The following CHPF variants were observed in gnomAD, a reference collection of about 807,000 sequenced individuals.
The protein encoded by CHPF is chondroitin polymerizing factor, non-catalytic subunit.
CHPF carries 34 observed loss-of-function variants against 55.1 expected under a neutral mutation model. The ratio of observed to expected loss-of-function variants is 0.62; its 90% CI spans 0.47 to 0.82. The LOEUF (loss-of-function observed/expected upper bound fraction) is 0.82. Among genes scored for constraint, CHPF ranks in the 40% least tolerant of loss-of-function variants. The pLI is 0.00. For missense variants in CHPF, 961 were observed against 1,106.1 expected (o/e 0.87, Z 1.86); for synonymous variants, 489 against 496.6 (o/e 0.98, Z 0.20).
chr2:219,543,394 CAG>C lies in CHPF; in HGVS notation c.143_144del (p.Ser48Ter). ...TTGGTGTTGCCGCGCGGCGGCAGCT[CAG>C]AGTCTCCAGGTTGGGGCGGGCCTGG... Reference protein sequence around the residue: ...CGPGPPQPGDSELPPRGNTNA... With the variant: ...CGPGPPQPGDXELPPRGNTNA... On this transcript the variant is annotated frameshift_variant, in exon 1 of 4. Coordinates refer to ENST00000243776, the MANE Select transcript of CHPF (RefSeq NM_024536.6). LOFTEE classifies it high-confidence loss of function. 2.6e-6 allele frequency: 4 copies of C among 1,560,042 alleles called. No individual in the cohort carries two copies. Among genetic ancestry groups the C allele is most frequent in the Non-Finnish European group, 2.6e-6 (3 of 1,163,080 alleles).
intron 3 of CHPF, 63 bp from the exon 4 acceptor site, chr2:219,540,705 G>T (rs914773037): frequency 5.4e-6 from 8 of 1,479,356 alleles, no homozygotes; most frequent in Admixed American, 2.1e-5. Flanking sequence ...ACAGCTGGGG[G>T]ACTGGGTAGG....
chr2:219,542,076 T>C lies in CHPF; in HGVS notation c.428A>G (p.His143Arg). ...LGVAVNRTLG[H>R]RLERVVFLTG... ...CAGGAACACCACACGCTCCAGCCGG[T>C]GCCCCAGCGTGCGGTTCACGGCCAC... The change falls in exon 2 of 4, where the codon CAC (histidine) becomes CGC (arginine). Residue 143 changes from histidine (H) to arginine (R), a missense_variant. Around this residue, in one of 3 missense-constraint regions of CHPF, gnomAD observed 936 missense variants for 1,058.4 expected, o/e 0.88. Transcript: ENST00000243776. 6.4e-7 allele frequency: 1 copy of C among 1,572,104 alleles called. No individual in the cohort carries two copies. Among genetic ancestry groups the C allele is most frequent in the Non-Finnish European group, 8.6e-7 (1 of 1,164,590 alleles).
At chr2:219,542,921 TAA>T in intron 1 of CHPF, 15 of 1,214,396 alleles carry the variant, frequency 1.2e-5, no homozygotes, top group Non-Finnish European at 1.5e-5. Flanking sequence ...ACCCTATATA[TAA>T]GTCATTTCTC....
intron 1 of CHPF, among the ~76,000 whole-genome samples, chr2:219,542,715 G>A (rs1020980726): frequency 4.6e-5 from 7 of 152,142 alleles, no homozygotes; most frequent in African/African-American, 1.7e-4. Context: ...TAAGGCAGAA[G>A]GTAAATTGCA....
chr2:219,542,920 A>C, intron 1 of CHPF: 1 of 1,207,984 alleles, frequency 8.3e-7, no homozygotes, highest in Non-Finnish European at 1.0e-6. Context: ...CACCCTATAT[A>C]TAAGTCATTT....
At position 219,540,438 on chromosome 2, in the gene CHPF, C is replaced by T. The variant is rs1488211389; in HGVS notation, c.1273G>A (p.Val425Ile). 7 of 1,613,588 alleles carry T rather than the reference C, an allele frequency of 4.3e-6. No individual in the cohort carries two copies. In the African/African-American group the frequency reaches 5.3e-5, roughly 12 times the overall value. The change falls in exon 4 of 4, where the codon GTT (valine) becomes ATT (isoleucine). Residue 425 changes from valine (V) to isoleucine (I), a missense_variant. Val to Ile is a conservative substitution (Grantham distance 29). Coordinates refer to ENST00000243776, the MANE Select transcript of CHPF (RefSeq NM_024536.6). ...RGADRADVAD[V>I]LGTALEELNR... ...AGCTCCTCTAGAGCTGTCCCCAGAA[C>T]ATCGGCCACATCAGCCCGGTCAGCC...
rs768978070 is a variant in CHPF at position 219,540,167 on chromosome 2, G to C, written c.1544C>G (p.Ala515Gly). The C allele has an allele frequency of 1.2e-6, 2 of 1,607,092 alleles. No individual in the cohort carries two copies. Among genetic ancestry groups the C allele is most frequent in the African/African-American group, 2.7e-5 (2 of 74,776 alleles). Residue 515 changes from alanine to glycine, a missense_variant, in exon 4 of 4, where the codon GCT (alanine) becomes GGT (glycine). By Grantham distance (60) the Ala-to-Gly change is moderately conservative. Transcript: ENST00000243776. ...AGGGGCCAGGTCACGCTCAGCCGCA[G>C]CTAGAGGCAGCAGCACAGTGAGACG... ...ASRLTVLLPL[A>G]AAERDLAPGF...
chr2:219,542,903 A>C, intron 1 of CHPF: 1 of 1,142,920 alleles, frequency 8.7e-7, no homozygotes, highest in Non-Finnish European at 1.1e-6. Flanking sequence ...CCCTGTCTCT[A>C]TACACTCACC....
At chr2:219,542,348 G>A (rs1311914427) in intron 1 of CHPF, among the ~76,000 whole-genome samples, 159 bp from the exon 2 acceptor site, 1 of 152,184 alleles carries the variant, frequency 6.6e-6, no homozygotes, top group African/African-American at 2.4e-5. Context: ...GGGTCATGAG[G>A]ATTTAAACGA....
rs1695273972 is a variant in CHPF, at chr2:219,541,781, G to A, written c.723C>T (p.Arg241=). 8 of 1,607,794 alleles carry A rather than the reference G, an allele frequency of 5.0e-6. No individual in the cohort carries two copies. The highest frequency in any genetic ancestry group is 6.8e-6 in the Non-Finnish European group (8 of 1,177,042). The part of the protein sequence containing the change: ...DFIGGEPTPG[R]YCHGGFGVLL... ...GCACCCCAAAGCCTCCGTGGCAGTA[G>A]CGGCCGGGGGTGGGCTCTCCGCCGA... Residue 241 remains arginine, a synonymous_variant, in exon 2 of 4, where the codon CGC becomes CGT. Coordinates refer to ENST00000243776, the MANE Select transcript of CHPF (RefSeq NM_024536.6).
chr2:219,539,257 C>T lies in CHPF; in HGVS notation c.*126G>A. 1 of 902,648 alleles carries T rather than the reference C, an allele frequency of 1.1e-6. No homozygotes were observed. The highest frequency in any genetic ancestry group is 1.7e-5 in the South Asian group (1 of 57,274). 55.9% of individuals were successfully genotyped at this position (902,648 alleles called of 1,614,324 possible). A position where few individuals can be genotyped will look rare whatever the true frequency, so the allele number is the denominator to read the frequency against. ...GGGACCCACAGAGCCAGAGAGGGGA[C>T]CAGTGGGCCAGCTTGGGGTCTGGCT... On this transcript the variant is annotated 3_prime_UTR_variant, in exon 4 of 4. Transcript: ENST00000243776.
rs766583896 is a variant in CHPF, at chr2:219,539,936, G to C, written c.1775C>G (p.Pro592Arg). 2.4e-5 allele frequency: 39 copies of C among 1,613,646 alleles called. No individual in the cohort carries two copies. The highest frequency in any genetic ancestry group is 3.0e-5 in the Non-Finnish European group (35 of 1,179,970). The change falls in exon 4 of 4, where the codon CCC becomes CGC. Residue 592 changes from proline to arginine, a missense_variant. This residue lies in a region of CHPF where 936 missense variants were observed against 1,058.4 expected (regional missense o/e 0.88). Coordinates refer to ENST00000243776, the MANE Select transcript of CHPF (RefSeq NM_024536.6). Reference sequence around the variant, plus strand: ...TAGATCCATGAGGCGCAGTGGTGAGGGTGCGGCTGTCTGCACACTGAGCCA... The same window carrying C: ...TAGATCCATGAGGCGCAGTGGTGAGCGTGCGGCTGTCTGCACACTGAGCCA... The part of the protein sequence containing the change: ...VPWLSVQTAA[P>R]SPLRLMDLLS...
In CHPF at chr2:219,539,922, G is replaced by A. The variant is rs991004829; in HGVS notation, c.1789C>T (p.Leu597Phe). ...TGCTTCTTGGAGAGTAGATCCATGA[G>A]GCGCAGTGGTGAGGGTGCGGCTGTC... The part of the protein sequence containing the change: ...VQTAAPSPLR[L>F]MDLLSKKHPL... The change falls in exon 4 of 4, where the codon CTC becomes TTC. Residue 597 changes from leucine to phenylalanine, a missense_variant. Transcript: ENST00000243776. 6.2e-7 allele frequency: 1 copy of A among 1,613,786 alleles called. No homozygotes were observed. The highest frequency in any genetic ancestry group is 8.5e-7 in the Non-Finnish European group (1 of 1,179,950).
Position 219,543,742 on chromosome 2 carries a change from C to T in CHPF, c.-204G>A, listed in dbSNP as rs962537219. ...ATTCCCCTCCAGCAGCTGCTCTGGG[C>T]TGCGCAGGGTTCTTGCGCTCGGCAC... is the stretch of plus-strand genomic sequence containing the variant. On this transcript the variant is annotated 5_prime_UTR_variant, in exon 1 of 4. Transcript: ENST00000243776. 10 of 456,136 alleles carry T rather than the reference C, an allele frequency of 2.2e-5. No individual in the cohort carries two copies. Among genetic ancestry groups the T allele is most frequent in the Non-Finnish European group, 3.8e-5 (10 of 261,836 alleles). The allele number at this position is 456,136 out of a possible 1,614,324, so 28.3% of individuals were successfully genotyped here. A position where few individuals can be genotyped will look rare whatever the true frequency, so the allele number is the denominator to read the frequency against.
Position 219,539,794 on chromosome 2 carries a change from G to T in CHPF, c.1917C>A (p.Phe639Leu). 1 of 1,613,526 alleles carries T rather than the reference G, an allele frequency of 6.2e-7. No homozygotes were observed. The highest frequency in any genetic ancestry group is 1.3e-5 in the African/African-American group (1 of 75,070). The change falls in exon 4 of 4, where the codon TTC becomes TTA. Residue 639 changes from phenylalanine to leucine, a missense_variant. Around this residue, in one of 3 missense-constraint regions of CHPF, gnomAD observed 936 missense variants for 1,058.4 expected, o/e 0.88. Coordinates refer to ENST00000243776, the MANE Select transcript of CHPF (RefSeq NM_024536.6). Reference protein sequence around the residue: ...RMHAISGWQAFFPMHFQAFHP... With the variant: ...RMHAISGWQALFPMHFQAFHP... ...GGAAGGCTTGGAAATGCATGGGAAA[G>T]AAGGCCTGCCAGCCGGAGATGGCAT...
rs1329638566 is a variant in CHPF at position 219,540,130 on chromosome 2, CT to C, written c.1580del (p.Glu527GlyfsTer17). ...GCTCCAGTGCTGCAGTGGCAAAGGCCTCCAAGAAGCCAGGGGCCAGGTCACG... is the reference window on the plus strand; with the variant it reads ...GCTCCAGTGCTGCAGTGGCAAAGGCCCCAAGAAGCCAGGGGCCAGGTCACG... ...AERDLAPGFLEAFATAALEPG... is the reference protein window; with the variant it reads ...AERDLAPGFLXAFATAALEPG... On this transcript the variant is annotated frameshift_variant, in exon 4 of 4. Transcript: ENST00000243776. LOFTEE classifies it high-confidence loss of function. 1 of 1,600,722 alleles carries C rather than the reference CT, an allele frequency of 6.2e-7. No homozygotes were observed. Among genetic ancestry groups the C allele is most frequent in the Non-Finnish European group, 8.5e-7 (1 of 1,174,124 alleles).
intron 2 of CHPF, 123 bp downstream of exon 2, chr2:219,541,493 G>A (rs1695267552): frequency 2.6e-6 from 2 of 768,234 alleles, no homozygotes; most frequent in Admixed American, 3.4e-5. Flanking sequence ...GGGGGTCACA[G>A]AGATAGAAAA....
intron 1 of CHPF, chr2:219,542,892 C>G (rs1205655349): frequency 1.8e-6 from 2 of 1,118,672 alleles, no homozygotes; most frequent in East Asian, 9.8e-5. Context: ...CCTTTCTCTT[C>G]CCCTGTCTCT....
At position 219,543,673 on chromosome 2, in the gene CHPF, A is replaced by G. The variant is rs1042261242; in HGVS notation, c.-135T>C. 4.1e-5 allele frequency: 23 copies of G among 561,224 alleles called. No homozygotes were observed. The highest frequency in any genetic ancestry group is 5.8e-5 in the Non-Finnish European group (21 of 363,836). The allele number at this position is 561,224 out of a possible 1,614,324, so 34.8% of individuals were successfully genotyped here. A position where few individuals can be genotyped will look rare whatever the true frequency, so the allele number is the denominator to read the frequency against. ...GGGCGGGCCCGCTCCCTCCCCGCAG[A>G]GCAGAGCCAGCGGCCCGAGCCGAAT... On this transcript the variant is annotated 5_prime_UTR_variant, in exon 1 of 4. Transcript: ENST00000243776.
Sources: allele counts gnomAD v4.1 joint callset (sites outside exome capture counted in the v4.1 genomes callset), GRCh38; gene constraint gnomAD v4.1.1; regional missense constraint gnomAD v4.1.1; transcripts MANE v1.5; gene names NCBI Gene and HGNC (gene_info 2026-07-23, HGNC 2026-07-21).